The following ZNF385B variants were observed in gnomAD, a reference collection of about 807,000 sequenced individuals.
The protein encoded by ZNF385B is zinc finger protein 533.
Under a neutral mutation model 39.2 loss-of-function variants are expected in ZNF385B, and 23 were observed. That is an observed-to-expected ratio of 0.59 (90% CI 0.42 to 0.83). The LOEUF is 0.83. Among genes scored for constraint, ZNF385B ranks in the 40% least tolerant of loss-of-function variants. The pLI is 0.00. For synonymous variants in ZNF385B, 205 were observed against 222.6 expected (o/e 0.92, Z 0.70); for missense variants, 552 against 598.9 (o/e 0.92, Z 0.82).
intron 3 of ZNF385B, among the ~76,000 whole-genome samples, chr2:179,663,785 A>G (rs16866896): frequency 0.13 from 19,352 of 150,920 alleles, 1,974 homozygotes; most frequent in African/African-American, 0.28. Flanking sequence ...GGAACAGAAG[A>G]AACTAAGTGC....
intron 4 of ZNF385B, among the ~76,000 whole-genome samples, chr2:179,537,048 T>C (rs1242530484): frequency 6.6e-6 from 1 of 151,180 alleles, no homozygotes; most frequent in Non-Finnish European, 1.5e-5. Flanking sequence ...AGGTGGCTCA[T>C]GCCTGCAATC....
intron 1 of ZNF385B, among the ~76,000 whole-genome samples, chr2:179,838,929 G>GGC (rs1553543324): frequency 4.2e-5 from 4 of 95,896 alleles, no homozygotes; most frequent in African/African-American, 9.4e-5. Flanking sequence ...CAAAAAAAAA[G>GGC]GGGGGGGGGC....
At chr2:179,580,642 A>G (rs1686392779) in intron 3 of ZNF385B, among the ~76,000 whole-genome samples, 1 of 152,194 alleles carries the variant, frequency 6.6e-6, no homozygotes. Flanking sequence ...GCACTCTCTT[A>G]ACATTGGAGC....
rs115418976 is a variant in ZNF385B, at chr2:179,679,027, T to C, written c.298+90476A>G. Reference sequence around the variant, plus strand: ...TTCTTAGAATACAAAGAACACTTTGTATTCTCAATGCTTTGCAGTGTTAGA... The same window carrying C: ...TTCTTAGAATACAAAGAACACTTTGCATTCTCAATGCTTTGCAGTGTTAGA... On this transcript the variant is annotated intron_variant, in intron 3 of 9. Coordinates refer to ENST00000410066, the MANE Select transcript of ZNF385B (RefSeq NM_152520.6). Among the ~76,000 whole-genome samples the C allele has an allele frequency of 1.4e-3, 213 of 152,310 alleles. 1 individual carries two copies. The highest frequency in any genetic ancestry group is 4.8e-3 in the African/African-American group (201 of 41,572).
At chr2:179,503,997 G>A (rs1008823117) in intron 5 of ZNF385B, among the ~76,000 whole-genome samples, 2 of 148,892 alleles carry the variant, frequency 1.3e-5, no homozygotes, top group Non-Finnish European at 3.0e-5. Context: ...TCTAGCATTA[G>A]GTATATCTCC....
At chr2:179,458,977 T>C (rs2105460039) in intron 6 of ZNF385B, among the ~76,000 whole-genome samples, 1 of 152,330 alleles carries the variant, frequency 6.6e-6, no homozygotes, top group East Asian at 1.9e-4. Flanking sequence ...CAGGGATCGG[T>C]CCCAACCAAG....
chr2:179,829,549 T>C (rs534128945), intron 1 of ZNF385B, among the ~76,000 whole-genome samples: 124 of 152,286 alleles, frequency 8.1e-4, no homozygotes, highest in African/African-American at 2.6e-3. Flanking sequence ...GGTCTTGCTC[T>C]GTCGCCCAGG....
At chr2:179,640,867 A>T (rs1367872649) in intron 3 of ZNF385B, among the ~76,000 whole-genome samples, 1 of 152,186 alleles carries the variant, frequency 6.6e-6, no homozygotes, top group South Asian at 2.1e-4. Context: ...ACACAATGGT[A>T]TAATAAACAC....
intron 5 of ZNF385B, among the ~76,000 whole-genome samples, chr2:179,494,633 AAC>A (rs2055958359): frequency 6.6e-6 from 1 of 151,984 alleles, no homozygotes; most frequent in African/African-American, 2.4e-5. Context: ...ATCTATGTAA[AAC>A]AATTACGTAG....
At chr2:179,843,991 C>G (rs1708673881) in intron 1 of ZNF385B, among the ~76,000 whole-genome samples, 1 of 152,214 alleles carries the variant, frequency 6.6e-6, no homozygotes, top group Non-Finnish European at 1.5e-5. Flanking sequence ...GTCTGCCCAG[C>G]TACAAGAATT....
At chr2:179,503,801 A>G (rs1214980421) in intron 5 of ZNF385B, among the ~76,000 whole-genome samples, 1 of 150,016 alleles carries the variant, frequency 6.7e-6, no homozygotes. Flanking sequence ...TACAAAGGAC[A>G]TGAACTCATC....
At chr2:179,704,533 G>T (rs1699447474) in intron 3 of ZNF385B, among the ~76,000 whole-genome samples, 1 of 152,120 alleles carries the variant, frequency 6.6e-6, no homozygotes, top group Non-Finnish European at 1.5e-5. Context: ...AAAGAAGAAA[G>T]GCCTACTAAG....
At chr2:179,809,120 C>A (rs1313638586) in intron 1 of ZNF385B, among the ~76,000 whole-genome samples, 1 of 151,844 alleles carries the variant, frequency 6.6e-6, no homozygotes, top group East Asian at 1.9e-4. Flanking sequence ...AGCTCAAGGG[C>A]AAAGAAAAAA....
intron 3 of ZNF385B, among the ~76,000 whole-genome samples, chr2:179,587,646 G>A (rs1687194227): frequency 6.6e-6 from 1 of 152,018 alleles, no homozygotes; most frequent in Non-Finnish European, 1.5e-5. Context: ...CTGTTGTTTA[G>A]GTACCATAAA....
intron 3 of ZNF385B, among the ~76,000 whole-genome samples, chr2:179,657,881 G>A (rs1003774392): frequency 2.0e-5 from 3 of 152,062 alleles, no homozygotes; most frequent in Admixed American, 6.6e-5. Flanking sequence ...AGTAGTTTTC[G>A]TGAAACCACT....
chr2:179,549,238 CCACT>C (rs2060419820), intron 3 of ZNF385B, among the ~76,000 whole-genome samples: 1 of 149,218 alleles, frequency 6.7e-6, no homozygotes, highest in South Asian at 2.2e-4. Flanking sequence ...TGAATTACTC[CCACT>C]ATTTTGCTAT....
intron 3 of ZNF385B, among the ~76,000 whole-genome samples, chr2:179,670,221 G>A (rs1016779233): frequency 2.0e-4 from 31 of 151,586 alleles, no homozygotes; most frequent in African/African-American, 6.5e-4. Context: ...GAACCCGGGA[G>A]GCGGAGCTTG....
intron 6 of ZNF385B, among the ~76,000 whole-genome samples, chr2:179,469,485 C>A (rs1356211324): frequency 6.6e-6 from 1 of 152,200 alleles, no homozygotes; most frequent in African/African-American, 2.4e-5. Flanking sequence ...GATCAGGACC[C>A]CTTTCTGGTA....
At chr2:179,636,861 AGAGTAATCATGTC>A (rs1472173386) in intron 3 of ZNF385B, among the ~76,000 whole-genome samples, 1 of 152,218 alleles carries the variant, frequency 6.6e-6, no homozygotes, top group East Asian at 1.9e-4. Context: ...GTGGAATAAA[AGAGTAATCATGTC>A]GATATAGTTT....
Sources: gnomAD v4.1 joint callset for allele counts (sites outside exome capture counted in the v4.1 genomes callset) on GRCh38, gnomAD v4.1.1 for gene constraint, MANE v1.5 for transcripts, NCBI Gene and HGNC (gene_info 2026-07-23, HGNC 2026-07-21) for gene names.